Variants in DNAH8 observed in about 807,000 individuals in gnomAD.
DNAH8 encodes the protein axonemal beta dynein heavy chain 8.
DNAH8 carries 382 observed loss-of-function variants against 562.1 expected under a neutral mutation model. That is an observed-to-expected ratio of 0.68 (90% CI 0.63 to 0.74). The LOEUF is 0.74. DNAH8 is among the 30% of genes least tolerant of loss of function. The pLI is 0.00. For synonymous variants in DNAH8, 1,881 were observed against 1,919.4 expected (o/e 0.98, Z 0.52); for missense variants, 5,203 against 5,620.4 (o/e 0.93, Z 2.37).
At chr6:38,870,308 G>A in intron 48 of DNAH8, 93 bp from the exon 49 acceptor site, 1 of 1,087,656 alleles carries the variant, frequency 9.2e-7, no homozygotes, top group Non-Finnish European at 1.4e-6. Flanking sequence ...TGGTTCTCTG[G>A]GGATGAAGTG....
At chr6:38,894,893 G>A (rs2150495447) in intron 59 of DNAH8, 29 bp downstream of exon 59, 7 of 1,594,438 alleles carry the variant, frequency 4.4e-6, no homozygotes, top group South Asian at 1.1e-5. Context: ...GAGTTTAAAT[G>A]TATGACCTGA....
At chr6:38,958,646 CAAAAAAA>C (rs35382684) in intron 82 of DNAH8, among the ~76,000 whole-genome samples, 2 of 58,892 alleles carry the variant, frequency 3.4e-5, no homozygotes, top group African/African-American at 7.1e-5. Flanking sequence ...AGTCTCCCAT[CAAAAAAA>C]AAAAAAAAAA....
intron 38 of DNAH8, among the ~76,000 whole-genome samples, chr6:38,850,659 C>A (rs1030729627): frequency 3.3e-5 from 5 of 152,194 alleles, no homozygotes; most frequent in African/African-American, 9.6e-5. Context: ...CTTAAAGCAA[C>A]AGAAATTCAT....
intron 91 of DNAH8, among the ~76,000 whole-genome samples, chr6:39,024,736 G>A (rs1341429240): frequency 2.0e-5 from 3 of 152,168 alleles, no homozygotes; most frequent in Non-Finnish European, 2.9e-5. Flanking sequence ...CAGAGCACAG[G>A]CATTGACCAG....
intron 82 of DNAH8, among the ~76,000 whole-genome samples, chr6:38,960,163 T>G (rs1762515316): frequency 2.0e-5 from 3 of 152,076 alleles, no homozygotes; most frequent in Admixed American, 1.3e-4. Context: ...GTGAAACTAC[T>G]ATGAGAAAAC....
rs111284237 is a variant in DNAH8 at position 39,023,647 on chromosome 6, C to G, written c.13715-2899C>G. On this transcript the variant is annotated intron_variant, in intron 91 of 92. Coordinates refer to ENST00000327475, the MANE Select transcript of DNAH8 (RefSeq NM_001206927.2). ...CTTTTCATTCCATTAGACTTGCTATCAGTCTACAAGAAAGATGGCCATTCA... is the reference window on the plus strand; with the variant it reads ...CTTTTCATTCCATTAGACTTGCTATGAGTCTACAAGAAAGATGGCCATTCA... Among the ~76,000 whole-genome samples, 1,431 of 152,296 alleles carry G rather than the reference C, an allele frequency of 9.4e-3. 30 individuals are homozygous for G. The highest frequency in any genetic ancestry group is 0.032 in the African/African-American group (1,312 of 41,544).
intron 70 of DNAH8, 32 bp from the exon 71 acceptor site, chr6:38,921,337 C>A: frequency 1.2e-6 from 2 of 1,606,814 alleles, no homozygotes; most frequent in Non-Finnish European, 8.5e-7. Context: ...TTTCATGCAG[C>A]TAATACACTA....
rs1455108252 is a variant in DNAH8 at position 38,866,172 on chromosome 6, T to TA, written c.6499-411dup. Among the ~76,000 whole-genome samples the TA allele has an allele frequency of 2.0e-5, 3 of 152,030 alleles. No individual in the cohort carries two copies. The South Asian group carries it at 6.2e-4, about 32-fold the overall frequency. On this transcript the variant is annotated intron_variant, in intron 45 of 92. Coordinates refer to ENST00000327475, the MANE Select transcript of DNAH8 (RefSeq NM_001206927.2). ...GCAAAGAATAATTGAAGAGATGGAA[T>TA]AAAAAAAATGCCCAAGGAAGCTCAT...
intron 53 of DNAH8, among the ~76,000 whole-genome samples, chr6:38,881,058 G>A (rs1454231250): frequency 6.6e-6 from 1 of 151,982 alleles, no homozygotes; most frequent in Non-Finnish European, 1.5e-5. Context: ...CCGCACAATG[G>A]ATATCATCAC....
intron 62 of DNAH8, among the ~76,000 whole-genome samples, chr6:38,900,511 A>G (rs1780001682): frequency 2.6e-5 from 4 of 152,204 alleles, no homozygotes; most frequent in Admixed American, 1.3e-4. Flanking sequence ...TGATCTGCTT[A>G]GTAGTTTTCC....
Position 38,945,589 on chromosome 6 carries a change from G to T in DNAH8, c.12129+1G>T, listed in dbSNP as rs1164610964. The stretch of plus-strand genomic sequence containing the variant: ...ACAATTTGCAGAAATTATGAACCAG[G>T]TAATACAATAAAGGGCTGGTTGAAA... On this transcript the variant is annotated splice_donor_variant, in intron 80 of 92. Transcript: ENST00000327475. LOFTEE classifies it high-confidence loss of function. 6.2e-7 allele frequency: 1 copy of T among 1,613,770 alleles called. No individual in the cohort carries two copies. Among genetic ancestry groups the T allele is most frequent in the Non-Finnish European group, 8.5e-7 (1 of 1,179,898 alleles).
At chr6:38,748,755 A>AAATAATAAT (rs57398991) in intron 8 of DNAH8, among the ~76,000 whole-genome samples, 58,062 of 138,242 alleles carry the variant, frequency 0.42, 12,390 homozygotes, top group East Asian at 0.5. Context: ...CTCCGTCTCA[A>AAATAATAAT]AATAATAATA....
At chr6:38,953,260 G>C (rs1473572406) in intron 82 of DNAH8, among the ~76,000 whole-genome samples, 2 of 152,174 alleles carry the variant, frequency 1.3e-5, no homozygotes, top group Non-Finnish European at 2.9e-5. Flanking sequence ...TAGGTTCCTA[G>C]TAGAAACCTT....
rs1461833955 is a variant in DNAH8 at position 38,775,853 on chromosome 6, C to T, written c.1864C>T (p.Gln622Ter). 6.2e-7 allele frequency: 1 copy of T among 1,607,528 alleles called. No individual in the cohort carries two copies. Among genetic ancestry groups the T allele is most frequent in the East Asian group, 2.2e-5 (1 of 44,722 alleles). Residue 622 changes from glutamine to a stop codon, truncating the protein, a stop_gained, in exon 13 of 93, where the codon CAA becomes TAA. Transcript: ENST00000327475. LOFTEE classifies it high-confidence loss of function. ...GGCAATAAAATTCAGAAATATATAC[C>T]AAGGGGTTAAGAAAAAGCAATATGA... ...IMAIKFRNIY[Q>*]GVKKKQYDIL...
At chr6:38,858,032 G>C (rs916818323) in intron 42 of DNAH8, among the ~76,000 whole-genome samples, 1 of 152,186 alleles carries the variant, frequency 6.6e-6, no homozygotes, top group Non-Finnish European at 1.5e-5. Flanking sequence ...CATAAGCTAT[G>C]CTGGGTCGAT....
chr6:38,971,398 G>A (rs1763337160), intron 82 of DNAH8, among the ~76,000 whole-genome samples, 194 bp from the exon 83 acceptor site: 1 of 151,366 alleles, frequency 6.6e-6, no homozygotes, highest in Non-Finnish European at 1.5e-5. Flanking sequence ...TTTCCGGGTG[G>A]TGCCTCCAGG....
At chr6:38,980,648 G>A (rs561654392) in intron 85 of DNAH8, among the ~76,000 whole-genome samples, 1 of 152,288 alleles carries the variant, frequency 6.6e-6, no homozygotes, top group African/African-American at 2.4e-5. Context: ...TAAGGGATAG[G>A]TGTGGGTGTC....
intron 18 of DNAH8, among the ~76,000 whole-genome samples, chr6:38,787,302 G>A (rs1769262785): frequency 6.6e-6 from 1 of 151,928 alleles, no homozygotes. Flanking sequence ...TAATAAAGTG[G>A]GGTGACTATA....
intron 10 of DNAH8, among the ~76,000 whole-genome samples, chr6:38,761,345 G>A (rs1766493871): frequency 7.2e-6 from 1 of 139,608 alleles, no homozygotes; most frequent in Non-Finnish European, 1.5e-5. Flanking sequence ...CCACCTATGA[G>A]TGTTGCTCTT....
Sources: allele counts gnomAD v4.1 joint callset (sites outside exome capture counted in the v4.1 genomes callset), GRCh38; gene constraint gnomAD v4.1.1; transcripts MANE v1.5; gene names NCBI Gene and HGNC (gene_info 2026-07-23, HGNC 2026-07-21).